Variants in LACTB2 observed in about 807,000 individuals in gnomAD.
LACTB2 encodes the protein lactamase beta 2, also known as endoribonuclease LACTB2.
LACTB2 carries 32 observed loss-of-function variants against 34.8 expected under a neutral mutation model. The observed-to-expected ratio is 0.92, with a 90% CI of 0.69 to 1.24. The LOEUF (loss-of-function observed/expected upper bound fraction) is 1.24, where lower values mean the gene tolerates loss of function less well. Ranked by LOEUF, LACTB2 falls within the 50% of genes most tolerant of loss-of-function variation. The pLI is 0.00. For synonymous variants in LACTB2, 120 were observed against 117.5 expected (o/e 1.02, Z -0.14); for missense variants, 320 against 345.0 (o/e 0.93, Z 0.57).
intron 3 of LACTB2, among the ~76,000 whole-genome samples, chr8:70,647,401 C>T (rs1232564771): frequency 2.6e-5 from 4 of 151,724 alleles, no homozygotes; most frequent in Non-Finnish European, 5.9e-5. Flanking sequence ...TACAGGTGCC[C>T]GCCACCACAC....
At chr8:70,655,654 G>C (rs2132076936) in intron 3 of LACTB2, among the ~76,000 whole-genome samples, 1 of 152,298 alleles carries the variant, frequency 6.6e-6, no homozygotes, top group South Asian at 2.1e-4. Context: ...GTGCTGCTAT[G>C]AACATGTGTA....
chr8:70,666,620 T>C (rs1197889497), intron 1 of LACTB2, among the ~76,000 whole-genome samples: 5 of 152,006 alleles, frequency 3.3e-5, no homozygotes, highest in Admixed American at 6.6e-5. Context: ...AAAGGGAAGA[T>C]TGGATTGAAG....
chr8:70,664,658 CTAAAACA>C (rs1299998410), intron 1 of LACTB2, among the ~76,000 whole-genome samples: 1 of 151,930 alleles, frequency 6.6e-6, no homozygotes. Context: ...ACTATAAAAC[CTAAAACA>C]TGAGTTTGCA....
chr8:70,638,631 T>A lies in LACTB2; in HGVS notation c.742-2A>T. On this transcript the variant is annotated splice_acceptor_variant, in intron 5 of 6. Coordinates refer to ENST00000276590, the MANE Select transcript of LACTB2 (RefSeq NM_016027.3). LOFTEE classifies it high-confidence loss of function. ...TTCATGTAAATTCTCAGGAGTATTC[T>A]AAAAGAAAAATGAAGGTGAAAAAAA... The A allele has an allele frequency of 7.1e-7, 1 of 1,401,050 alleles. No individual in the cohort carries two copies. Among genetic ancestry groups the A allele is most frequent in the Non-Finnish European group, 9.4e-7 (1 of 1,063,198 alleles). 86.8% of individuals were successfully genotyped at this position (1,401,050 alleles called of 1,614,324 possible).
intron 2 of LACTB2, among the ~76,000 whole-genome samples, chr8:70,658,655 C>G (rs1818443482): frequency 6.6e-6 from 1 of 152,070 alleles, no homozygotes; most frequent in African/African-American, 2.4e-5. Flanking sequence ...TATGATAGAA[C>G]TTGAGGTGTG....
Position 70,637,889 on chromosome 8 carries a change from G to T in LACTB2, c.838C>A (p.Pro280Thr), listed in dbSNP as rs942781918. 2 of 1,549,072 alleles carry T rather than the reference G, an allele frequency of 1.3e-6. No individual in the cohort carries two copies. The highest frequency in any genetic ancestry group is 1.7e-6 in the Non-Finnish European group (2 of 1,146,020). Residue 280 changes from proline to threonine, a missense_variant, in exon 7 of 7, where the codon CCT becomes ACT. By Grantham distance (38) the Pro-to-Thr change is conservative. Transcript: ENST00000276590. The stretch of plus-strand genomic sequence containing the variant: ...AGATGAGCTTTCCATTTCTTGTCAG[G>T]ATCTGTGTTGCTAACTGTAAAAAGA... ...KEGKIFSNTD[P>T]DKKWKAHL
At position 70,655,220 on chromosome 8, in the gene LACTB2, A is replaced by AT. The variant is rs36122235; in HGVS notation, c.413+2535dup. ...CTACAAATGCCGTTAATTAATTCCT[A>AT]TTTTTTTTTTTTTTTTGAGAGGGAG... is the stretch of plus-strand genomic sequence containing the variant. On this transcript the variant is annotated intron_variant, in intron 3 of 6. Coordinates refer to ENST00000276590, the MANE Select transcript of LACTB2 (RefSeq NM_016027.3). Among the ~76,000 whole-genome samples, 67 of 137,310 alleles carry AT rather than the reference A, an allele frequency of 4.9e-4. 1 individual carries two copies. Among genetic ancestry groups the AT allele is most frequent in the Admixed American group, 1.7e-3 (24 of 13,838 alleles). The allele number at this position is 137,310 out of a possible 152,430, so 90.1% of individuals were successfully genotyped here. A position where few individuals can be genotyped will look rare whatever the true frequency, so the allele number is the denominator to read the frequency against.
chr8:70,654,140 GC>G (rs1333404730), intron 3 of LACTB2, among the ~76,000 whole-genome samples: 1 of 152,142 alleles, frequency 6.6e-6, no homozygotes, highest in Non-Finnish European at 1.5e-5. Flanking sequence ...TTATACAAAA[GC>G]TGGAGAAGAG....
chr8:70,660,827 G>C (rs1162072071), intron 2 of LACTB2: 1 of 455,960 alleles, frequency 2.2e-6, no homozygotes, highest in Non-Finnish European at 4.4e-6. Context: ...GCCCAGGCTG[G>C]AGTGCAGTGG....
At chr8:70,650,507 G>A (rs1375169097) in intron 3 of LACTB2, among the ~76,000 whole-genome samples, 5 of 151,970 alleles carry the variant, frequency 3.3e-5, no homozygotes, top group Admixed American at 3.3e-4. Flanking sequence ...TTGGGAGGCC[G>A]AGGCCTGAGG....
intron 1 of LACTB2, chr8:70,662,913 T>C (rs1818497662): frequency 6.6e-6 from 1 of 151,960 alleles, no homozygotes; most frequent in Non-Finnish European, 1.5e-5. Flanking sequence ...GTCTCTTAAC[T>C]CCTGGGGTCA....
chr8:70,642,856 G>T (rs1402415187), intron 4 of LACTB2, among the ~76,000 whole-genome samples: 1 of 152,050 alleles, frequency 6.6e-6, no homozygotes, highest in African/African-American at 2.4e-5. Flanking sequence ...ACACTAACAT[G>T]TTTCTTTTTC....
chr8:70,660,469 G>A (rs1255887522), intron 2 of LACTB2: 1 of 376,902 alleles, frequency 2.7e-6, no homozygotes. Flanking sequence ...TATTGGGTGT[G>A]GTAGCTGAGA....
At chr8:70,647,813 T>C (rs1818282061) in intron 3 of LACTB2, among the ~76,000 whole-genome samples, 2 of 152,190 alleles carry the variant, frequency 1.3e-5, no homozygotes, top group African/African-American at 4.8e-5. Flanking sequence ...AAAGTCTTTT[T>C]AGCAAACATT....
At position 70,644,059 on chromosome 8, in the gene LACTB2, A is replaced by C. The variant is rs1818232769; in HGVS notation, c.592+6T>G. ...AAAAATATAAAAAAATTTAAAAATT[A>C]CCCACCTGGATATATAATATCAGCT... On this transcript the variant is annotated splice_donor_region_variant and intron_variant, in intron 4 of 6. Transcript: ENST00000276590. 4 of 1,517,360 alleles carry C rather than the reference A, an allele frequency of 2.6e-6. No homozygotes were observed. Among genetic ancestry groups the C allele is most frequent in the Admixed American group, 2.2e-5 (1 of 44,624 alleles). The allele number at this position is 1,517,360 out of a possible 1,614,324, so 94.0% of individuals were successfully genotyped here.
At chr8:70,657,353 A>G (rs1228034082) in intron 3 of LACTB2, among the ~76,000 whole-genome samples, 3 of 151,944 alleles carry the variant, frequency 2.0e-5, no homozygotes, top group Non-Finnish European at 4.4e-5. Flanking sequence ...CAGAGTAAGC[A>G]ATGTTTATTG....
At chr8:70,639,196 G>C (rs1818163626) in intron 5 of LACTB2, among the ~76,000 whole-genome samples, 1 of 151,020 alleles carries the variant, frequency 6.6e-6, no homozygotes, top group African/African-American at 2.4e-5. Flanking sequence ...TTTCACTCTT[G>C]TCACCTAGGC....
At chr8:70,651,267 T>G (rs1323301058) in intron 3 of LACTB2, among the ~76,000 whole-genome samples, 1 of 152,194 alleles carries the variant, frequency 6.6e-6, no homozygotes, top group Non-Finnish European at 1.5e-5. Context: ...CAAGTATATA[T>G]TTCATATATT....
intron 4 of LACTB2, among the ~76,000 whole-genome samples, chr8:70,641,502 TC>T (rs2132068322): frequency 6.6e-6 from 1 of 152,300 alleles, no homozygotes; most frequent in African/African-American, 2.4e-5. Flanking sequence ...AAATAATCCG[TC>T]CACAGTTACA....
Sources: allele counts gnomAD v4.1 joint callset (sites outside exome capture counted in the v4.1 genomes callset), GRCh38; gene constraint gnomAD v4.1.1; transcripts MANE v1.5; gene names NCBI Gene and HGNC (gene_info 2026-07-23, HGNC 2026-07-21).